The following PSD3 variants were observed in gnomAD, a reference collection of about 807,000 sequenced individuals.
PSD3 encodes the protein PH and SEC7 domain-containing protein 3.
Under a neutral mutation model 105.5 loss-of-function variants are expected in PSD3, and 49 were observed. The ratio of observed to expected loss-of-function variants is 0.46; its 90% CI spans 0.37 to 0.59. The LOEUF (loss-of-function observed/expected upper bound fraction) is 0.59. Ranked by LOEUF, PSD3 falls within the 20% of genes least tolerant of loss-of-function variation. PSD3 has a pLI of 0.00. For missense variants in PSD3, 1,561 were observed against 1,263.8 expected (o/e 1.24, Z -3.57); for synonymous variants, 557 against 457.8 (o/e 1.22, Z -2.77).
intron 1 of PSD3, among the ~76,000 whole-genome samples, chr8:18,984,115 G>C (rs1488072210): frequency 1.3e-5 from 2 of 150,746 alleles, no homozygotes; most frequent in African/African-American, 4.9e-5. Context: ...AGGTGACAGA[G>C]AGACACAAAG....
chr8:19,073,051 A>C (rs6586798), intron 1 of PSD3, among the ~76,000 whole-genome samples: 119,535 of 151,742 alleles, frequency 0.79, 47,870 homozygotes, highest in East Asian at 0.86. Flanking sequence ...ATGGTTAATT[A>C]TCTGAGAATG....
At chr8:19,074,980 C>A (rs911965325) in intron 1 of PSD3, among the ~76,000 whole-genome samples, 1 of 151,356 alleles carries the variant, frequency 6.6e-6, no homozygotes, top group East Asian at 2.0e-4. Context: ...GAGTCTTGCC[C>A]TTTTTCCCAG....
chr8:18,777,485 G>A (rs1808213348), intron 8 of PSD3, among the ~76,000 whole-genome samples: 1 of 151,728 alleles, frequency 6.6e-6, no homozygotes, highest in South Asian at 2.1e-4. Flanking sequence ...TGCTTTTCTA[G>A]TTCTTTACAG....
chr8:18,544,185 A>AAAAC (rs1800319092), intron 15 of PSD3, among the ~76,000 whole-genome samples: 3 of 51,840 alleles, frequency 5.8e-5, no homozygotes, highest in Admixed American at 3.9e-4. Context: ...AAAAAAAAAA[A>AAAAC]AAAAAAAAAA....
intron 1 of PSD3, among the ~76,000 whole-genome samples, chr8:19,053,057 G>A (rs889474299): frequency 2.0e-5 from 3 of 152,150 alleles, no homozygotes; most frequent in African/African-American, 7.2e-5. Flanking sequence ...AATTCCCTAG[G>A]AGGGTGAGTG....
chr8:18,847,966 C>T (rs1319035065), intron 4 of PSD3, among the ~76,000 whole-genome samples: 1 of 152,024 alleles, frequency 6.6e-6, no homozygotes, highest in Non-Finnish European at 1.5e-5. Context: ...AGAAAAAGAC[C>T]CATGACAACT....
chr8:19,002,442 C>T (rs1586611113), intron 1 of PSD3, among the ~76,000 whole-genome samples: 1 of 151,786 alleles, frequency 6.6e-6, no homozygotes, highest in Non-Finnish European at 1.5e-5. Context: ...AAGGAACAAG[C>T]ATATATCAAC....
chr8:18,706,164 A>G (rs555341132), intron 9 of PSD3, among the ~76,000 whole-genome samples: 1 of 152,222 alleles, frequency 6.6e-6, no homozygotes, highest in Non-Finnish European at 1.5e-5. Flanking sequence ...GAAGACGCTT[A>G]GAGCAGAGCT....
chr8:19,075,664 G>T (rs145524090), intron 1 of PSD3, among the ~76,000 whole-genome samples: 12 of 152,226 alleles, frequency 7.9e-5, no homozygotes, highest in African/African-American at 1.2e-4. Context: ...CTTAAATTAC[G>T]ATGTGCAGAT....
At chr8:18,840,077 T>C (rs1814490564) in intron 4 of PSD3, among the ~76,000 whole-genome samples, 2 of 152,176 alleles carry the variant, frequency 1.3e-5, no homozygotes, top group South Asian at 4.1e-4. Context: ...CCTTTAAGAA[T>C]CCTAATGCTG....
intron 4 of PSD3, among the ~76,000 whole-genome samples, chr8:18,811,816 C>A (rs940752381): frequency 2.0e-5 from 3 of 152,036 alleles, no homozygotes; most frequent in Non-Finnish European, 2.9e-5. Flanking sequence ...ATGGAGGTTC[C>A]CACATTTTCT....
intron 9 of PSD3, among the ~76,000 whole-genome samples, chr8:18,724,352 T>C (rs962088333): frequency 3.3e-5 from 5 of 152,128 alleles, no homozygotes; most frequent in Admixed American, 6.6e-5. Flanking sequence ...TGGCTCATGC[T>C]TGTAATCCCA....
intron 1 of PSD3, among the ~76,000 whole-genome samples, chr8:19,049,510 C>T (rs1828442145): frequency 6.6e-6 from 1 of 151,882 alleles, no homozygotes; most frequent in Non-Finnish European, 1.5e-5. Flanking sequence ...GACAACATAG[C>T]AAGACCCTAC....
At chr8:18,605,648 G>C (rs1466468793) in intron 11 of PSD3, among the ~76,000 whole-genome samples, 8 of 152,158 alleles carry the variant, frequency 5.3e-5, no homozygotes, top group Non-Finnish European at 2.9e-5. Flanking sequence ...GAATGATATG[G>C]TTTAGATCTG....
chr8:18,907,834 C>T (rs558544227), intron 2 of PSD3, among the ~76,000 whole-genome samples: 1 of 152,292 alleles, frequency 6.6e-6, no homozygotes, highest in African/African-American at 2.4e-5. Flanking sequence ...TACATAGTTG[C>T]CGCATTTCAA....
chr8:19,021,129 G>A (rs2129475869), intron 1 of PSD3, among the ~76,000 whole-genome samples: 1 of 152,310 alleles, frequency 6.6e-6, no homozygotes, highest in South Asian at 2.1e-4. Context: ...TTAGGGAGAT[G>A]AGTAAGAACA....
rs149332992 is a variant in PSD3 at position 18,988,534 on chromosome 8, A to G, written c.21+25029T>C. Reference sequence around the variant, plus strand: ...CACTTAGGAAATGGTTTTCCTAATTAGTCTAATCATCACTTCTGTTCTACA... The same window carrying G: ...CACTTAGGAAATGGTTTTCCTAATTGGTCTAATCATCACTTCTGTTCTACA... On this transcript the variant is annotated intron_variant, in intron 1 of 15. Transcript: ENST00000327040. 2.6e-5 allele frequency among the ~76,000 whole-genome samples: 4 copies of G among 152,314 alleles called. No homozygotes were observed. In the East Asian group the frequency reaches 7.7e-4, roughly 29 times the overall value.
At chr8:18,722,685 A>C (rs1263838101) in intron 9 of PSD3, among the ~76,000 whole-genome samples, 4 of 152,162 alleles carry the variant, frequency 2.6e-5, no homozygotes, top group Non-Finnish European at 5.9e-5. Context: ...GAGAAAGAAG[A>C]AGCAATAATG....
intron 15 of PSD3, 103 bp from the exon 16 acceptor site, chr8:18,536,061 G>A: frequency 2.7e-6 from 3 of 1,132,060 alleles, no homozygotes; most frequent in Non-Finnish European, 3.8e-6. Context: ...AATGGCTGTT[G>A]AAGACTTCGC....
Sources: allele counts gnomAD v4.1 joint callset (sites outside exome capture counted in the v4.1 genomes callset), GRCh38; gene constraint gnomAD v4.1.1; transcripts MANE v1.5; gene names NCBI Gene and HGNC (gene_info 2026-07-23, HGNC 2026-07-21).